Variants in TNRC6C observed in about 807,000 individuals in gnomAD.
TNRC6C encodes the protein trinucleotide repeat containing adaptor 6C.
TNRC6C carries 20 observed loss-of-function variants against 153.7 expected under a neutral mutation model. The ratio of observed to expected loss-of-function variants is 0.13; its 90% confidence interval spans 0.09 to 0.19. The LOEUF is 0.19. TNRC6C is among the 10% of genes least tolerant of loss of function. TNRC6C has a pLI of 1.00. For synonymous variants in TNRC6C, 811 were observed against 841.4 expected, an observed-to-expected ratio of 0.96 and a Z score of 0.63; for missense variants, 1,987 against 2,172.0, an observed-to-expected ratio of 0.91 and a Z score of 1.69.
Position 78,101,322 on chromosome 17 carries a change from G to A in TNRC6C, c.4502-1152G>A, listed in dbSNP as rs145567358. 1.6e-4 allele frequency among the ~76,000 whole-genome samples: 25 copies of A among 152,256 alleles called. 1 individual carries two copies. In the South Asian group the frequency reaches 2.7e-3, roughly 16 times the overall value. ...AAGTTCCTCATTTCCATCTGAGACC[G>A]CTGCAGCCTGGACTTTATTGTCCAT... On this transcript the variant is annotated intron_variant, in intron 17 of 19. Coordinates refer to ENST00000301624, the Ensembl canonical transcript of TNRC6C.
chr17:78,071,649 A>G (rs2072999698), intron 6 of TNRC6C, among the ~76,000 whole-genome samples: 1 of 152,204 alleles, frequency 6.6e-6, no homozygotes, highest in Non-Finnish European at 1.5e-5. Context: ...CGGCCTCCCA[A>G]AGTGCTGGGA....
chr17:78,050,460 T>C, exon 3 of TNRC6C: 1 of 1,614,018 alleles, frequency 6.2e-7, no homozygotes, highest in Non-Finnish European at 8.5e-7. Flanking sequence ...AAGAATCCCC[T>C]AGGTCTGAAA....
exon 9 of TNRC6C, chr17:78,077,299 G>T: frequency 6.3e-7 from 1 of 1,583,092 alleles, no homozygotes; most frequent in Non-Finnish European, 8.6e-7. Context: ...GATTGCCTCC[G>T]GGCTGGGCAT....
At chr17:78,052,905 G>C (rs2072566253) in intron 3 of TNRC6C, among the ~76,000 whole-genome samples, 1 of 152,078 alleles carries the variant, frequency 6.6e-6, no homozygotes, top group South Asian at 2.1e-4. Flanking sequence ...CCACAAATGT[G>C]CCTTTTTGGC....
chr17:78,088,828 C>T (rs949100654), intron 13 of TNRC6C, among the ~76,000 whole-genome samples: 1 of 152,018 alleles, frequency 6.6e-6, no homozygotes, highest in African/African-American at 2.4e-5. Context: ...ATGTCAGCTA[C>T]TTATGTAAGT....
chr17:77,999,840 G>A (rs1359249932), upstream of TNRC6C, among the ~76,000 whole-genome samples: 2 of 152,186 alleles, frequency 1.3e-5, no homozygotes, highest in Non-Finnish European at 1.5e-5. Context: ...AAGCCAGCAG[G>A]GAAGAGGGAG....
intron 1 of TNRC6C, among the ~76,000 whole-genome samples, chr17:77,964,733 C>T (rs894057491): frequency 3.9e-5 from 6 of 152,036 alleles, no homozygotes; most frequent in African/African-American, 7.3e-5. Flanking sequence ...ATGTGGACAA[C>T]GGTTATTCAG....
chr17:78,048,805 G>A (rs987353236), intron 2 of TNRC6C, 40 bp from the exon 5 acceptor site: 12 of 1,232,684 alleles, frequency 9.7e-6, no homozygotes, highest in African/African-American at 3.1e-5. Flanking sequence ...TGACAAATGA[G>A]TAGAAAATCT....
chr17:78,055,467 A>T (rs960257668), intron 3 of TNRC6C, among the ~76,000 whole-genome samples: 3 of 152,210 alleles, frequency 2.0e-5, no homozygotes, highest in Non-Finnish European at 4.4e-5. Context: ...GAGCATCACC[A>T]CAAACACGTG....
chr17:78,098,266 T>C (rs1233265248), intron 16 of TNRC6C, 77 bp from the exon 20 acceptor site: 6 of 1,395,938 alleles, frequency 4.3e-6, no homozygotes, highest in Non-Finnish European at 5.8e-6. Context: ...GAGCACTCTG[T>C]GTGGCTCCCC....
At chr17:78,106,235 A>T (rs776038887) in exon 20 of TNRC6C, 6 of 148,922 alleles carry the variant, frequency 4.0e-5, no homozygotes, top group African/African-American at 7.5e-5. Context: ...TTAAAATTTT[A>T]AAAATTTAAA....
chr17:78,027,896 C>T (rs993531361), intron 1 of TNRC6C, among the ~76,000 whole-genome samples: 25 of 148,624 alleles, frequency 1.7e-4, no homozygotes, highest in African/African-American at 6.3e-4. Flanking sequence ...GTGACAGAAA[C>T]TTGGAGGTTT....
chr17:78,022,107 A>G (rs977546528), intron 1 of TNRC6C, among the ~76,000 whole-genome samples: 1 of 152,154 alleles, frequency 6.6e-6, no homozygotes, highest in Non-Finnish European at 1.5e-5. Context: ...TTTGCTGGCC[A>G]TATATGGTCT....
At chr17:78,103,978 G>A (rs2073643457) in intron 19 of TNRC6C, among the ~76,000 whole-genome samples, 1 of 152,202 alleles carries the variant, frequency 6.6e-6, no homozygotes, top group Admixed American at 6.5e-5. Flanking sequence ...TTGGGGAAAG[G>A]CGACACAGGT....
upstream of TNRC6C, among the ~76,000 whole-genome samples, chr17:78,000,569 A>G (rs1177563358): frequency 6.7e-6 from 1 of 150,080 alleles, no homozygotes; most frequent in Non-Finnish European, 1.5e-5. Flanking sequence ...AGTCAGTTTC[A>G]AAATAGTGGC....
chr17:78,099,502 C>T (rs1040087287), intron 17 of TNRC6C, among the ~76,000 whole-genome samples: 1 of 152,150 alleles, frequency 6.6e-6, no homozygotes, highest in Non-Finnish European at 1.5e-5. Context: ...AGAGAGAGAG[C>T]TTGTGCAGGG....
At chr17:78,101,220 A>G (rs369636823) in intron 17 of TNRC6C, among the ~76,000 whole-genome samples, 2 of 152,230 alleles carry the variant, frequency 1.3e-5, no homozygotes, top group East Asian at 3.9e-4. Context: ...AAGCTCCACA[A>G]ATCTCTAGGG....
intron 1 of TNRC6C, among the ~76,000 whole-genome samples, chr17:77,983,380 T>C (rs1160196356): frequency 6.6e-6 from 1 of 152,186 alleles, no homozygotes; most frequent in East Asian, 1.9e-4. Context: ...ACTAGAGTGC[T>C]TAATTCTGAT....
Position 78,075,040 on chromosome 17 carries a change from G to T in TNRC6C, c.2918-96G>T. On this transcript the variant is annotated intron_variant, in intron 7 of 19. Transcript: ENST00000301624. This position sits in a 1 kb window ranked among gnomAD's most constrained non-coding sequence, Gnocchi z 4.2. Reference sequence around the variant, plus strand: ...TTCCCTGTGTTTGAAGGGGTGGAGGGTCTCCATCCCTCCTTGAGGCCTTAG... The same window carrying T: ...TTCCCTGTGTTTGAAGGGGTGGAGGTTCTCCATCCCTCCTTGAGGCCTTAG... 1 of 1,454,478 alleles carries T rather than the reference G, an allele frequency of 6.9e-7. No homozygotes were observed. Among genetic ancestry groups the T allele is most frequent in the Non-Finnish European group, 9.3e-7 (1 of 1,070,214 alleles). The allele number at this position is 1,454,478 out of a possible 1,614,324, so 90.1% of individuals were successfully genotyped here.
Sources: allele counts gnomAD v4.1 joint callset (sites outside exome capture counted in the v4.1 genomes callset), GRCh38; gene constraint gnomAD v4.1.1; non-coding constraint Gnocchi (gnomAD v3.1); transcripts MANE v1.5; gene names NCBI Gene and HGNC (gene_info 2026-07-23, HGNC 2026-07-21).